Variants in MESP1 observed in about 807,000 individuals in gnomAD.
MESP1 encodes mesoderm posterior bHLH transcription factor 1.
A neutral mutation model predicts 15.2 loss-of-function variants in MESP1; 22 were observed. That is an observed-to-expected ratio of 1.45 (90% CI 1.04 to 2.07). MESP1 has a LOEUF of 2.07. MESP1 is among the 30% of genes most tolerant of loss of function. The probability of loss-of-function intolerance (pLI) is 0.00; values close to 1 mark genes in which losing one functional copy is unlikely to be tolerated. For synonymous variants in MESP1, 216 were observed against 192.6 expected, an observed-to-expected ratio of 1.12 and a Z score of -1.01; for missense variants, 484 against 411.9, an observed-to-expected ratio of 1.17 and a Z score of -1.51.
the MESP1 span, among the ~76,000 whole-genome samples, chr15:89,735,084 G>T: frequency 6.9e-6 from 1 of 144,214 alleles, no homozygotes; most frequent in Non-Finnish European, 1.5e-5. Flanking sequence ...GTCTCACTCT[G>T]TAGCCCAGGC....
downstream of MESP1, among the ~76,000 whole-genome samples, chr15:89,746,399 C>G (rs1967955709): frequency 7.0e-6 from 1 of 142,540 alleles, no homozygotes; most frequent in Non-Finnish European, 1.5e-5. Context: ...CACATCCACA[C>G]AGCATCCACA....
chr15:89,733,427 A>G, the MESP1 span, among the ~76,000 whole-genome samples: 2 of 152,118 alleles, frequency 1.3e-5, no homozygotes, highest in South Asian at 2.1e-4. Flanking sequence ...GACATCTGCT[A>G]TGGTTTGACT....
At chr15:89,732,615 C>CCACACACACACACACA in the MESP1 span, among the ~76,000 whole-genome samples, 5 of 148,560 alleles carry the variant, frequency 3.4e-5, no homozygotes, top group African/African-American at 4.9e-5. Flanking sequence ...TGTTGTTTGG[C>CCACACACACACACACA]CACACACACA....
At chr15:89,738,401 C>T in the MESP1 span, among the ~76,000 whole-genome samples, 1 of 152,074 alleles carries the variant, frequency 6.6e-6, no homozygotes, top group Admixed American at 6.5e-5. Flanking sequence ...CCGAGGCAGG[C>T]GGATCACCTG....
chr15:89,743,827 C>CCACGGCTG, the MESP1 span, among the ~76,000 whole-genome samples: 4 of 152,176 alleles, frequency 2.6e-5, no homozygotes, highest in Admixed American at 1.3e-4. Flanking sequence ...TTTCTCCCTC[C>CCACGGCTG]CACGGCTGGC....
chr15:89,738,139 T>C, the MESP1 span: 31 of 1,614,020 alleles, frequency 1.9e-5, no homozygotes, highest in Non-Finnish European at 2.5e-5. Context: ...GGAAAATATC[T>C]CAAAAAATTG....
At chr15:89,743,582 C>T in the MESP1 span, 1 of 596,362 alleles carries the variant, frequency 1.7e-6, no homozygotes, top group South Asian at 2.0e-5. Context: ...AGCCTCTTGT[C>T]AGAGCCCTCA....
At chr15:89,738,111 T>C in the MESP1 span, 2 of 1,614,176 alleles carry the variant, frequency 1.2e-6, no homozygotes, top group Non-Finnish European at 1.7e-6. Context: ...ATTTTAATTT[T>C]GAGGCCTGCC....
downstream of MESP1, among the ~76,000 whole-genome samples, chr15:89,746,091 C>G (rs368907652): frequency 3.5e-4 from 52 of 150,424 alleles, 1 homozygote; most frequent in East Asian, 6.1e-3. Flanking sequence ...CACACCTCCA[C>G]ACAGCATCCA....
chr15:89,740,691 G>A, the MESP1 span, among the ~76,000 whole-genome samples: 1 of 151,896 alleles, frequency 6.6e-6, no homozygotes, highest in Non-Finnish European at 1.5e-5. Flanking sequence ...TAGTAGAGAT[G>A]GGGTTTCTCC....
At chr15:89,740,487 GGTTTTTGTTTTTT>G in the MESP1 span, among the ~76,000 whole-genome samples, 10 of 152,026 alleles carry the variant, frequency 6.6e-5, no homozygotes, top group African/African-American at 1.9e-4. Context: ...TCACAGGGAG[GGTTTTTGTTTTTT>G]GTTTTTGTTT....
the MESP1 span, among the ~76,000 whole-genome samples, chr15:89,734,777 G>A: frequency 1.3e-5 from 2 of 152,038 alleles, no homozygotes; most frequent in African/African-American, 4.8e-5. Context: ...TTGAGCTCAG[G>A]AGTTCAAGAC....
Position 89,750,153 on chromosome 15 carries a change from C to T in MESP1, c.798G>A (p.Glu266=), listed in dbSNP as rs751283212. 4.3e-6 allele frequency: 7 copies of T among 1,613,818 alleles called. No individual in the cohort carries two copies. The highest frequency in any genetic ancestry group is 5.1e-6 in the Non-Finnish European group (6 of 1,179,978). Residue 266 remains glutamate, a synonymous_variant, in exon 2 of 2, where the codon GAG becomes GAA. Transcript: ENST00000300057. The part of the protein sequence containing the change: ...PLSPLEWLPE[E]PK ...CGTCAGTTGTCCCTTGTCACTTGGG[C>T]TCCTCAGGCAGCCACTCCAGAGGCG...
In MESP1 at chr15:89,751,057, C is replaced by A; in HGVS notation, c.175G>T (p.Gly59Cys). Residue 59 changes from glycine to cysteine, a missense_variant, in exon 1 of 2, where the codon GGC (glycine) becomes TGC (cysteine). By Grantham distance (159) the Gly-to-Cys change is radical. Transcript: ENST00000300057. ...DSPVASPARP[G>C]TLRDPRAPSV... ...GGGGCGCGGGGGTCCCGGAGGGTGC[C>A]TGGCCGCGCGGGGCTCGCCACGGGG... is the stretch of plus-strand genomic sequence containing the variant. The A allele has an allele frequency of 7.8e-7, 1 of 1,279,866 alleles. No individual in the cohort carries two copies. Among genetic ancestry groups the A allele is most frequent in the Non-Finnish European group, 9.8e-7 (1 of 1,020,100 alleles). 79.3% of individuals were successfully genotyped at this position (1,279,866 alleles called of 1,614,324 possible). A position where few individuals can be genotyped will look rare whatever the true frequency, so the allele number is the denominator to read the frequency against.
downstream of MESP1, among the ~76,000 whole-genome samples, chr15:89,745,975 A>G (rs1035680699): frequency 5.1e-4 from 75 of 148,112 alleles, no homozygotes; most frequent in African/African-American, 1.6e-3. This position sits in a 1 kb window ranked among gnomAD's most constrained non-coding sequence, Gnocchi z 4.8. Context: ...ACACCTCCAC[A>G]CATCCACACC....
chr15:89,745,457 C>A (rs1344896935), downstream of MESP1, among the ~76,000 whole-genome samples: 1 of 152,098 alleles, frequency 6.6e-6, no homozygotes, highest in Non-Finnish European at 1.5e-5. This position sits in a 1 kb window ranked among gnomAD's most constrained non-coding sequence, Gnocchi z 4.8. Context: ...TGACAGACCC[C>A]ATGGAAACAT....
downstream of MESP1, among the ~76,000 whole-genome samples, chr15:89,746,535 GCA>G (rs1967960534): frequency 2.4e-5 from 1 of 41,914 alleles, no homozygotes; most frequent in African/African-American, 1.1e-4. Context: ...CTCCACACAC[GCA>G]CACACAGCCC....
chr15:89,737,735 G>C, the MESP1 span: 2 of 1,614,184 alleles, frequency 1.2e-6, no homozygotes. Context: ...CCGAGGTACA[G>C]AAAGGGACCA....
downstream of MESP1, among the ~76,000 whole-genome samples, chr15:89,747,057 C>CAG (rs200194525): frequency 0.014 from 2,082 of 146,978 alleles, 99 homozygotes; most frequent in African/African-American, 0.052. Context: ...CATGCACACA[C>CAG]ACACACACAG....
Sources: gnomAD v4.1 joint callset for allele counts (sites outside exome capture counted in the v4.1 genomes callset) on GRCh38, gnomAD v4.1.1 for gene constraint, Gnocchi (gnomAD v3.1) non-coding constraint, MANE v1.5 for transcripts, NCBI Gene and HGNC (gene_info 2026-07-23, HGNC 2026-07-21) for gene names.